FAM9C: variants seen among roughly 807,000 people sequenced by gnomAD.
FAM9C encodes the protein family with sequence similarity 9 member C.
In FAM9C, 15 loss-of-function variants were observed where a neutral mutation model predicts 14.8. The observed-to-expected ratio is 1.02, with a 90% confidence interval of 0.68 to 1.56. The LOEUF is 1.56. Ranked by LOEUF, FAM9C falls within the 40% of genes most tolerant of loss-of-function variation. FAM9C has a pLI of 0.00. For synonymous variants in FAM9C, 45 were observed against 37.5 expected, an observed-to-expected ratio of 1.20 and a Z score of -0.74; for missense variants, 116 against 118.0, an observed-to-expected ratio of 0.98 and a Z score of 0.08.
At chrX:13,038,542 A>C in intron 6 of FAM9C, 39 bp from the exon 7 acceptor site, 1 of 1,110,484 alleles carries the variant, frequency 9.0e-7, no homozygotes, top group Non-Finnish European at 1.2e-6. Flanking sequence ...AAATTGGGTA[A>C]ATTTTAATAC....
chrX:13,038,476 A>C lies in FAM9C; in HGVS notation c.466T>G (p.Trp156Gly), dbSNP rs371295125. The C allele has an allele frequency of 2.5e-6, 3 of 1,204,290 alleles. No homozygotes were observed. In the African/African-American group the frequency reaches 5.3e-5, roughly 21 times the overall value. ...TCAGTTCCTTTCCCATCTTGTTGCC[A>C]CCTCTTTTGTTGCTCTTGAAATATT... ...IKIFQEQQKRWQQDGKGTERD is the reference protein window; with the variant it reads ...IKIFQEQQKRGQQDGKGTERD The change falls in exon 7 of 8, where the codon TGG (tryptophan) becomes GGG (glycine). Residue 156 changes from tryptophan (W) to glycine (G), a missense_variant. Physicochemically the swap from Trp to Gly is radical, Grantham distance 184. Coordinates refer to ENST00000380625, the MANE Select transcript of FAM9C (RefSeq NM_174901.6).
At chrX:13,043,361 T>A in intron 2 of FAM9C, 113 bp from the exon 3 acceptor site, 1 of 978,741 alleles carries the variant, frequency 1.0e-6, no homozygotes, top group Non-Finnish European at 1.4e-6. Context: ...CAATTAAAGC[T>A]TTACCGCAGA....
intron 6 of FAM9C, 37 bp downstream of exon 6, chrX:13,039,771 A>G: frequency 8.5e-7 from 1 of 1,175,711 alleles, no homozygotes; most frequent in Non-Finnish European, 1.1e-6. Context: ...AGACATTGAT[A>G]CAATAGGTTA....
At chrX:13,036,561 G>A (rs928833483) in intron 7 of FAM9C, 1 of 111,636 alleles carries the variant, frequency 9.0e-6, no homozygotes, top group Non-Finnish European at 1.9e-5. Flanking sequence ...TCACCAGATA[G>A]TGACCCATTT....
rs970050015 is a variant in FAM9C at position 13,043,626 on chromosome X, C to T, written c.61+103G>A. 19 of 1,023,167 alleles carry T rather than the reference C, an allele frequency of 1.9e-5. No homozygotes were observed. In the African/African-American group the frequency reaches 2.6e-4, roughly 14 times the overall value. The allele number at this position is 1,023,167 out of a possible 1,213,427, so 84.3% of individuals were successfully genotyped here. The stretch of plus-strand genomic sequence containing the variant: ...ACATGCACGGTGAGCTCCAAAGCCA[C>T]GAAGGGGCCGGGGGCCTCGGGCTGC... On this transcript the variant is annotated intron_variant, in intron 2 of 7. Coordinates refer to ENST00000380625, the MANE Select transcript of FAM9C (RefSeq NM_174901.6).
chrX:13,043,442 C>T (rs2043545961), intron 2 of FAM9C, among the ~76,000 whole-genome samples, 194 bp from the exon 3 acceptor site: 1 of 112,337 alleles, frequency 8.9e-6, no homozygotes, highest in Non-Finnish European at 1.9e-5. Flanking sequence ...GGTTCAAGTC[C>T]CAGTAAACAA....
At chrX:13,042,974 T>C (rs1569136454) in intron 3 of FAM9C, 25 bp from the exon 4 acceptor site, 4 of 1,180,242 alleles carry the variant, frequency 3.4e-6, no homozygotes, top group Admixed American at 4.9e-5. Context: ...TGCAACACAA[T>C]TTTAACATAA....
chrX:13,043,688 G>C lies in FAM9C; in HGVS notation c.61+41C>G, dbSNP rs761464398. The C allele has an allele frequency of 1.2e-5, 15 of 1,200,318 alleles. No homozygotes were observed. The Admixed American group carries it at 2.4e-4, about 19-fold the overall frequency. ...CCGCCCAGAAAGCAGACAGACTGTTGGGCGTGCACCTTCTTCTAGGTCCCC... is the reference window on the plus strand; with the variant it reads ...CCGCCCAGAAAGCAGACAGACTGTTCGGCGTGCACCTTCTTCTAGGTCCCC... On this transcript the variant is annotated intron_variant, in intron 2 of 7. Coordinates refer to ENST00000380625, the MANE Select transcript of FAM9C (RefSeq NM_174901.6).
At chrX:13,038,622 G>A (rs2043499375) in intron 6 of FAM9C, 119 bp from the exon 7 acceptor site, 2 of 579,769 alleles carry the variant, frequency 3.4e-6, no homozygotes, top group African/African-American at 2.4e-5. Flanking sequence ...TTTAGACAAC[G>A]TTTATGACCA....
chrX:13,036,753 A>T (rs1158799501), intron 7 of FAM9C: 2 of 111,771 alleles, frequency 1.8e-5, no homozygotes, highest in African/African-American at 6.5e-5. Context: ...AGATGTAAAA[A>T]ATGAATACAC....
At chrX:13,041,900 T>C (rs1418423493) in intron 4 of FAM9C, 1 of 112,215 alleles carries the variant, frequency 8.9e-6, no homozygotes, top group African/African-American at 3.2e-5. Context: ...AGCTGCACCA[T>C]AATACAAATT....
intron 4 of FAM9C, chrX:13,041,646 T>G (rs1219763032): frequency 1.8e-5 from 2 of 112,459 alleles, no homozygotes; most frequent in East Asian, 5.5e-4. Flanking sequence ...AATCAATAGT[T>G]GATGCTATTA....
chrX:13,043,312 A>T (rs2043544228), intron 2 of FAM9C, 64 bp from the exon 3 acceptor site: 1 of 1,136,938 alleles, frequency 8.8e-7, no homozygotes, highest in Admixed American at 2.8e-5. Context: ...CATTTTTCAT[A>T]GAGAAACGTA....
chrX:13,043,220 C>A lies in FAM9C; in HGVS notation c.90G>T (p.Glu30Asp), dbSNP rs750168841. The A allele has an allele frequency of 5.8e-6, 7 of 1,207,489 alleles. No homozygotes were observed. The Admixed American group carries it at 1.5e-4, about 27-fold the overall frequency. Residue 30 changes from glutamate (E) to aspartate (D), a missense_variant, in exon 3 of 8, where the codon GAG becomes GAT. By Grantham distance (45) the Glu-to-Asp change is conservative. Coordinates refer to ENST00000380625, the MANE Select transcript of FAM9C (RefSeq NM_174901.6). ...TTGTCTCTGTAACAGGTTTTCTTTC[C>A]TCATGCTCATGACTTACTGGATCCT... ...AGKDPVSHEH[E>D]ERKPVTETKE...
At position 13,043,116 on chromosome X, in the gene FAM9C, T is replaced by C. The variant is rs770195768; in HGVS notation, c.182+12A>G. 1 of 1,201,122 alleles carries C rather than the reference T, an allele frequency of 8.3e-7. No individual in the cohort carries two copies. The highest frequency in any genetic ancestry group is 1.8e-5 in the South Asian group (1 of 54,226). On this transcript the variant is annotated intron_variant, in intron 3 of 7. Coordinates refer to ENST00000380625, the MANE Select transcript of FAM9C (RefSeq NM_174901.6). The stretch of plus-strand genomic sequence containing the variant: ...CCTTATCTGACAGGCAAAAGGGACT[T>C]AAACACTTTACCCCGTGTGTTCATC...
At chrX:13,040,945 T>G (rs184424364) in intron 4 of FAM9C, 73 bp from the exon 5 acceptor site, 49 of 519,603 alleles carry the variant, frequency 9.4e-5, no homozygotes, top group Non-Finnish European at 1.5e-4. Context: ...AAAATCAATA[T>G]GGGACTTGAT....
chrX:13,040,919 T>C (rs751170473), intron 4 of FAM9C, 47 bp from the exon 5 acceptor site: 5 of 763,669 alleles, frequency 6.5e-6, no homozygotes, highest in Non-Finnish European at 7.4e-6. Flanking sequence ...TGAAAAGTAG[T>C]TTCTTTGCAT....
intron 1 of FAM9C, 24 bp from the exon 2 acceptor site, chrX:13,043,881 A>G: frequency 1.1e-6 from 1 of 890,010 alleles, no homozygotes; most frequent in East Asian, 3.2e-5. Context: ...AGACACACTA[A>G]GGACACTAAG....
intron 4 of FAM9C, 46 bp from the exon 5 acceptor site, chrX:13,040,918 G>A (rs2043520860): frequency 1.2e-6 from 1 of 800,354 alleles, no homozygotes; most frequent in African/African-American, 2.1e-5. Flanking sequence ...TTGAAAAGTA[G>A]TTTCTTTGCA....
Sources: gnomAD v4.1 joint callset for allele counts (sites outside exome capture counted in the v4.1 genomes callset) on GRCh38, gnomAD v4.1.1 for gene constraint, MANE v1.5 for transcripts, NCBI Gene and HGNC (gene_info 2026-07-23, HGNC 2026-07-21) for gene names.